Variants in COMMD1 observed in about 807,000 individuals in gnomAD.
COMMD1 encodes copper metabolism domain containing 1.
Under a neutral mutation model 17.2 loss-of-function variants are expected in COMMD1, and 10 were observed. The observed-to-expected ratio is 0.58, with a 90% CI of 0.36 to 0.99. COMMD1 has a LOEUF of 0.99. Ranked by LOEUF, COMMD1 falls within the 50% of genes least tolerant of loss-of-function variation. The pLI is 0.01. For synonymous variants in COMMD1, 97 were observed against 91.6 expected, an observed-to-expected ratio of 1.06 and a Z score of -0.34; for missense variants, 270 against 231.8, an observed-to-expected ratio of 1.17 and a Z score of -1.07.
At chr2:61,903,081 A>T (rs977506558), upstream of COMMD1, among the ~76,000 whole-genome samples, 2 of 152,194 alleles carry the variant, frequency 1.3e-5, no homozygotes, top group Non-Finnish European at 2.9e-5. Context: ...ACTTGGAGCC[A>T]TGGAAGCAAC....
At chr2:61,902,142 A>G (rs897011370), upstream of COMMD1, among the ~76,000 whole-genome samples, 1 of 151,442 alleles carries the variant, frequency 6.6e-6, no homozygotes, top group Non-Finnish European at 1.5e-5. Flanking sequence ...AGATTTGACT[A>G]TATAAACATG....
chr2:62,010,125 C>T (rs1573065436), intron 2 of COMMD1, among the ~76,000 whole-genome samples: 1 of 152,140 alleles, frequency 6.6e-6, no homozygotes, highest in Admixed American at 6.5e-5. Context: ...CTAAGTCTTT[C>T]CTTTAAAATT....
chr2:62,010,482 A>G (rs1162417128), intron 2 of COMMD1, among the ~76,000 whole-genome samples: 2 of 152,160 alleles, frequency 1.3e-5, no homozygotes, highest in Admixed American at 6.5e-5. Context: ...TCCCAAATGT[A>G]TATCTCCAAA....
At position 61,897,757 on chromosome 2, in the gene COMMD1, A is replaced by AAT. The variant is rs1553365179; in HGVS notation, n.119+8926_119+8927dup. ...AGAGCAAAACTCTGTCTTTAAAAAA[A>AAT]ATATATATATATTGGCCATTACATG... On this transcript the variant is annotated intron_variant and non_coding_transcript_variant, in intron 1 of 2. Coordinates refer to the COMMD1 transcript ENST00000472729. Among the ~76,000 whole-genome samples, 2 of 151,880 alleles carry AAT rather than the reference A, an allele frequency of 1.3e-5. 1 individual carries two copies.
intron 1 of COMMD1, among the ~76,000 whole-genome samples, chr2:61,934,345 C>T (rs1001830071): frequency 5.3e-5 from 8 of 152,076 alleles, no homozygotes; most frequent in Non-Finnish European, 1.2e-4. Context: ...TGAGGGAAAA[C>T]TCATTTAGAG....
At chr2:61,976,467 A>G (rs924754286) in intron 1 of COMMD1, among the ~76,000 whole-genome samples, 2 of 152,204 alleles carry the variant, frequency 1.3e-5, no homozygotes, top group Non-Finnish European at 2.9e-5. Flanking sequence ...CCAAAAAAAC[A>G]TGTCTTTAAT....
intron 2 of COMMD1, among the ~76,000 whole-genome samples, chr2:62,062,291 A>G (rs963283291): frequency 4.6e-5 from 7 of 150,920 alleles, no homozygotes; most frequent in Non-Finnish European, 1.0e-4. Context: ...CAGTGGCATG[A>G]TCTCAGCTCA....
chr2:62,032,268 G>T (rs1197476705), intron 2 of COMMD1, among the ~76,000 whole-genome samples: 1 of 152,152 alleles, frequency 6.6e-6, no homozygotes, highest in East Asian at 1.9e-4. Context: ...AGGTGTGGTG[G>T]CTCACACCTG....
chr2:62,038,904 T>G (rs1272561514), intron 2 of COMMD1, among the ~76,000 whole-genome samples: 2 of 152,178 alleles, frequency 1.3e-5, no homozygotes, highest in East Asian at 3.8e-4. Context: ...AAAATTTCAT[T>G]TCTAATGAAA....
At chr2:62,019,023 T>TTCCC (rs201583202) in intron 2 of COMMD1, among the ~76,000 whole-genome samples, 37 of 129,420 alleles carry the variant, frequency 2.9e-4, no homozygotes, top group African/African-American at 8.5e-4. Context: ...ACCAACCAAC[T>TTCCC]TCCCTCCCTC....
At chr2:62,094,177 A>T (rs1033375510) in intron 2 of COMMD1, among the ~76,000 whole-genome samples, 3 of 151,998 alleles carry the variant, frequency 2.0e-5, no homozygotes, top group African/African-American at 7.3e-5. Context: ...TGGAAGGGGG[A>T]GCCGGGTAGC....
In COMMD1 at chr2:61,925,315, G is replaced by A. The variant is rs973192504; in HGVS notation, c.180+19457G>A. 5.9e-5 allele frequency among the ~76,000 whole-genome samples: 9 copies of A among 152,122 alleles called. 1 individual carries two copies. The highest frequency in any genetic ancestry group is 6.6e-5 in the Admixed American group (1 of 15,266). ...GGGAGACCTGAGGTCAGGCGAGGAA[G>A]TTTACTAACCTGCCGGCTGCTCCAT... On this transcript the variant is annotated intron_variant, in intron 1 of 2. Coordinates refer to ENST00000311832, the MANE Select transcript of COMMD1 (RefSeq NM_152516.4).
chr2:61,922,840 G>A (rs893748790), intron 1 of COMMD1, among the ~76,000 whole-genome samples: 3 of 152,220 alleles, frequency 2.0e-5, no homozygotes, highest in Non-Finnish European at 4.4e-5. Flanking sequence ...CTGTTTGGAG[G>A]AAGACAGTTA....
chr2:62,045,144 C>T (rs1013756298), intron 2 of COMMD1, among the ~76,000 whole-genome samples: 1 of 151,950 alleles, frequency 6.6e-6, no homozygotes, highest in Non-Finnish European at 1.5e-5. Flanking sequence ...TGGATGGGGG[C>T]TAGGGAATGG....
At chr2:62,078,389 T>A (rs1231275188) in intron 2 of COMMD1, among the ~76,000 whole-genome samples, 1 of 142,370 alleles carries the variant, frequency 7.0e-6, no homozygotes. Context: ...CTGTCTCTAT[T>A]AAAAATAAAA....
At chr2:61,906,951 G>C (rs539471964) in intron 1 of COMMD1, among the ~76,000 whole-genome samples, 1 of 152,068 alleles carries the variant, frequency 6.6e-6, no homozygotes, top group Admixed American at 6.6e-5. Context: ...TACAGGATTT[G>C]AATCCAGAAA....
At chr2:62,126,142 G>A (rs1358570929) in intron 2 of COMMD1, among the ~76,000 whole-genome samples, 2 of 152,180 alleles carry the variant, frequency 1.3e-5, no homozygotes, top group East Asian at 1.9e-4. Flanking sequence ...TGGTGTGTAT[G>A]TACCACATTT....
At chr2:62,014,399 G>C (rs1410528287) in intron 2 of COMMD1, among the ~76,000 whole-genome samples, 5 of 151,856 alleles carry the variant, frequency 3.3e-5, no homozygotes, top group African/African-American at 1.2e-4. Context: ...TGTACTGGCT[G>C]GTTGGCTCTG....
intron 2 of COMMD1, among the ~76,000 whole-genome samples, chr2:62,008,929 A>G (rs889534770): frequency 5.3e-5 from 8 of 152,084 alleles, no homozygotes; most frequent in Non-Finnish European, 7.4e-5. Context: ...CACTACAGGC[A>G]TGCACCACCA....
Sources: gnomAD v4.1 joint callset for allele counts (sites outside exome capture counted in the v4.1 genomes callset) on GRCh38, gnomAD v4.1.1 for gene constraint, MANE v1.5 for transcripts, NCBI Gene and HGNC (gene_info 2026-07-23, HGNC 2026-07-21) for gene names.